The following SRC variants were observed in gnomAD, a reference collection of about 807,000 sequenced individuals.
SRC encodes the protein proto-oncogene tyrosine-protein kinase Src.
In SRC, 13 loss-of-function variants were observed where a neutral mutation model predicts 62.9. The ratio of observed to expected loss-of-function variants is 0.21; its 90% CI spans 0.13 to 0.33. The LOEUF is 0.33. SRC is among the 10% of genes least tolerant of loss of function. The pLI, the probability that SRC is intolerant of heterozygous loss-of-function variation, is 1.00. For synonymous variants in SRC, 302 were observed against 317.5 expected (o/e 0.95, Z 0.52); for missense variants, 457 against 737.3 (o/e 0.62, Z 4.40).
At chr20:37,364,474 C>T (rs1164757079) in intron 1 of SRC, among the ~76,000 whole-genome samples, 2 of 152,148 alleles carry the variant, frequency 1.3e-5, no homozygotes, top group Non-Finnish European at 2.9e-5. Context: ...GTTTATTTGG[C>T]CTCTGTGTCC....
In SRC at chr20:37,352,213, T is replaced by A. The variant is rs1166790647; in HGVS notation, c.-247+5958T>A. On this transcript the variant is annotated intron_variant, in intron 1 of 13. Coordinates refer to ENST00000373578, the MANE Select transcript of SRC (RefSeq NM_198291.3). ...CAGCTTTGACAAGATGGCATGAAGA[T>A]CCGATGAGCCAATGTGTGCCAAGTG... is the stretch of plus-strand genomic sequence containing the variant. Among the ~76,000 whole-genome samples, 98 of 152,328 alleles carry A rather than the reference T, an allele frequency of 6.4e-4. 1 individual carries two copies. The highest frequency in any genetic ancestry group is 1.5e-4 in the Non-Finnish European group (10 of 68,024).
intron 5 of SRC, 56 bp downstream of exon 5, chr20:37,386,230 G>A: frequency 6.6e-7 from 1 of 1,513,428 alleles, no homozygotes; most frequent in South Asian, 1.1e-5. Flanking sequence ...CTTCAAAGCG[G>A]GCAGGGGCTC....
chr20:37,402,707 G>T lies in SRC; in HGVS notation c.1271-42G>T. On this transcript the variant is annotated intron_variant, in intron 12 of 13. Transcript: ENST00000373578. This position sits in a 1 kb window ranked among gnomAD's most constrained non-coding sequence, Gnocchi z 6.2. ...GGTGCTTATCTAGCAGAGCGGTCAT[G>T]ACAGGAGGTCAGAGCTGCCCTGACC... 6.3e-7 allele frequency: 1 copy of T among 1,588,276 alleles called. No individual in the cohort carries two copies. The highest frequency in any genetic ancestry group is 1.3e-5 in the African/African-American group (1 of 74,360).
Position 37,396,250 on chromosome 20 carries a change from C to T in SRC, c.642C>T (p.Gly214=), listed in dbSNP as rs367543240. The T allele has an allele frequency of 2.5e-6, 4 of 1,613,916 alleles. No homozygotes were observed. Among genetic ancestry groups the T allele is most frequent in the Non-Finnish European group, 3.4e-6 (4 of 1,180,006 alleles). The change falls in exon 8 of 14, where the codon GGC becomes GGT. Residue 214 remains glycine (G), a synonymous_variant. Coordinates refer to ENST00000373578, the MANE Select transcript of SRC (RefSeq NM_198291.3). The surrounding 1 kb of genome is among the most constrained non-coding windows in gnomAD (Gnocchi z 6.1). ...AGATCCGCAAGCTGGACAGCGGCGG[C>T]TTCTACATCACCTCCCGCACCCAGT... ...HYKIRKLDSG[G]FYITSRTQFN... is the part of the protein sequence containing the mutation.
Position 37,384,252 on chromosome 20 carries a change from C to G in SRC, c.99C>G (p.Pro33=). Residue 33 remains proline, a synonymous_variant, in exon 4 of 14, where the codon CCC becomes CCG. Transcript: ENST00000373578. This position sits in a 1 kb window ranked among gnomAD's most constrained non-coding sequence, Gnocchi z 6.7. ...NVHGAGGGAF[P]ASQTPSKPAS... is the part of the protein sequence containing the mutation. ...ACGGCGCTGGCGGGGGCGCTTTCCC[C>G]GCCTCGCAGACCCCCAGCAAGCCAG... 2 of 1,563,958 alleles carry G rather than the reference C, an allele frequency of 1.3e-6. No individual in the cohort carries two copies. Among genetic ancestry groups the G allele is most frequent in the South Asian group, 2.3e-5 (2 of 87,848 alleles).
At chr20:37,377,304 G>A (rs2070292661) in intron 2 of SRC, among the ~76,000 whole-genome samples, 1 of 152,202 alleles carries the variant, frequency 6.6e-6, no homozygotes, top group Non-Finnish European at 1.5e-5. Flanking sequence ...ATTTTAAAGG[G>A]GAGGAAACTC....
In SRC at chr20:37,403,000, C is replaced by G. The variant is rs28763884; in HGVS notation, c.1402+120C>G. On this transcript the variant is annotated intron_variant, in intron 13 of 13. Transcript: ENST00000373578. This position sits in a 1 kb window ranked among gnomAD's most constrained non-coding sequence, Gnocchi z 6.2. ...CCCGTAAAACAAAGAAGTTGAGCGTCTGATGTTAGGCTCTCTCGATGGTCC... is the reference window on the plus strand; with the variant it reads ...CCCGTAAAACAAAGAAGTTGAGCGTGTGATGTTAGGCTCTCTCGATGGTCC... 1.5e-3 allele frequency: 2,120 copies of G among 1,407,030 alleles called. 2 individuals are homozygous for G. The highest frequency in any genetic ancestry group is 1.8e-3 in the Non-Finnish European group (1,872 of 1,052,660). The allele number at this position is 1,407,030 out of a possible 1,614,324, so 87.2% of individuals were successfully genotyped here.
In SRC at chr20:37,398,144, C is replaced by T. The variant is rs2147109599; in HGVS notation, c.859+290C>T. Among the ~76,000 whole-genome samples the T allele has an allele frequency of 6.6e-6, 1 of 152,324 alleles. No individual in the cohort carries two copies. The highest frequency in any genetic ancestry group is 1.5e-5 in the Non-Finnish European group (1 of 68,026). ...CGGTGGCCTCACTCAGAGCCTCAGT[C>T]TTCCCGACTGTGAATGGGGCTGGTG... On this transcript the variant is annotated intron_variant, in intron 9 of 13. Transcript: ENST00000373578. The surrounding 1 kb of genome is among the most constrained non-coding windows in gnomAD (Gnocchi z 5.2).
chr20:37,350,973 G>C lies in SRC; in HGVS notation c.-247+4718G>C, dbSNP rs975033086. 3.9e-5 allele frequency among the ~76,000 whole-genome samples: 6 copies of C among 152,176 alleles called. No individual in the cohort carries two copies. The East Asian group carries it at 1.2e-3, about 29-fold the overall frequency. On this transcript the variant is annotated intron_variant, in intron 1 of 13. Coordinates refer to ENST00000373578, the MANE Select transcript of SRC (RefSeq NM_198291.3). ...GGGGATTGAGGCTAGAAAGACCCAG[G>C]GCAAATCATCTACGCTGGGAGAAAA...
intron 2 of SRC, among the ~76,000 whole-genome samples, chr20:37,379,011 A>C (rs1201465028): frequency 1.7e-5 from 1 of 60,296 alleles, no homozygotes. Flanking sequence ...AGTGATGGGG[A>C]TGGGGGTGGG....
intron 5 of SRC, among the ~76,000 whole-genome samples, chr20:37,391,067 G>A (rs181718352): frequency 5.3e-5 from 8 of 152,328 alleles, no homozygotes; most frequent in African/African-American, 1.4e-4. Context: ...CACTCCTCTC[G>A]CTCTTGGGCC....
chr20:37,361,291 C>A (rs1377801168), intron 1 of SRC, among the ~76,000 whole-genome samples: 1 of 152,146 alleles, frequency 6.6e-6, no homozygotes, highest in African/African-American at 2.4e-5. Flanking sequence ...TTTTTATCAT[C>A]TTACGATCAC....
At chr20:37,400,795 G>T (rs948613144) in intron 10 of SRC, among the ~76,000 whole-genome samples, 13 of 152,074 alleles carry the variant, frequency 8.5e-5, no homozygotes, top group Admixed American at 3.9e-4. Context: ...GATTTACTGT[G>T]TACCCCTAAC....
intron 2 of SRC, among the ~76,000 whole-genome samples, chr20:37,369,759 T>C (rs887267598): frequency 6.6e-6 from 1 of 152,082 alleles, no homozygotes. Context: ...AGTAGGATGT[T>C]AGCTCTGGGG....
At chr20:37,371,022 C>T (rs1269912623) in intron 2 of SRC, among the ~76,000 whole-genome samples, 1 of 139,232 alleles carries the variant, frequency 7.2e-6, no homozygotes, top group African/African-American at 2.8e-5. Context: ...GAGTTTCACT[C>T]TTGTTGCCCA....
At chr20:37,363,154 C>A (rs2070002505) in intron 1 of SRC, among the ~76,000 whole-genome samples, 2 of 152,230 alleles carry the variant, frequency 1.3e-5, no homozygotes, top group Admixed American at 1.3e-4. Flanking sequence ...CGGTCCCTGA[C>A]AAGACACTGT....
Position 37,402,416 on chromosome 20 carries a change from C to T in SRC, c.1117-19C>T, listed in dbSNP as rs1335056852. The T allele has an allele frequency of 1.2e-6, 2 of 1,607,550 alleles. No homozygotes were observed. The highest frequency in any genetic ancestry group is 8.5e-7 in the Non-Finnish European group (1 of 1,176,092). ...GCATGGGTGGCACCTGAGCCAGGCT[C>T]CCACGGTTCCGCCTGCAGATCGCCT... On this transcript the variant is annotated intron_variant, in intron 11 of 13. Coordinates refer to ENST00000373578, the MANE Select transcript of SRC (RefSeq NM_198291.3). This position sits in a 1 kb window ranked among gnomAD's most constrained non-coding sequence, Gnocchi z 6.2.
In SRC at chr20:37,397,423, G is replaced by T. The variant is rs1402206525; in HGVS notation, c.704-276G>T. On this transcript the variant is annotated intron_variant, in intron 8 of 13. Coordinates refer to ENST00000373578, the MANE Select transcript of SRC (RefSeq NM_198291.3). This position sits in a 1 kb window ranked among gnomAD's most constrained non-coding sequence, Gnocchi z 4.1. ...CTGGACTCTGAGTTCCTGAGGGCAG[G>T]TTCCCTGGACATGTTCCCTCCCCGC... Among the ~76,000 whole-genome samples the T allele has an allele frequency of 6.6e-6, 1 of 152,200 alleles. No individual in the cohort carries two copies. Among genetic ancestry groups the T allele is most frequent in the African/African-American group, 2.4e-5 (1 of 41,448 alleles).
chr20:37,386,201 T>A, intron 5 of SRC, 27 bp downstream of exon 5: 1 of 1,602,088 alleles, frequency 6.2e-7, no homozygotes, highest in Non-Finnish European at 8.6e-7. Context: ...CTATTGCCCC[T>A]CAGGGCTGGG....
Sources: gnomAD v4.1 joint callset for allele counts (sites outside exome capture counted in the v4.1 genomes callset) on GRCh38, gnomAD v4.1.1 for gene constraint, Gnocchi (gnomAD v3.1) non-coding constraint, MANE v1.5 for transcripts, NCBI Gene and HGNC (gene_info 2026-07-23, HGNC 2026-07-21) for gene names.